The following SCUBE1 variants were observed in gnomAD, a reference collection of about 807,000 sequenced individuals.
The protein encoded by SCUBE1 is signal peptide, CUB and EGF-like domain-containing protein 1.
In SCUBE1, 59 loss-of-function variants were observed where a neutral mutation model predicts 124.4. That is an observed-to-expected ratio of 0.47 (90% CI 0.38 to 0.59). The LOEUF (loss-of-function observed/expected upper bound fraction) is 0.59, where lower values mean the gene tolerates loss of function less well. Among genes scored for constraint, SCUBE1 ranks in the 20% least tolerant of loss-of-function variants. SCUBE1 has a pLI of 0.00. For synonymous variants in SCUBE1, 545 were observed against 550.9 expected (o/e 0.99, Z 0.15); for missense variants, 1,150 against 1,371.2 (o/e 0.84, Z 2.55).
intron 6 of SCUBE1, among the ~76,000 whole-genome samples, chr22:43,241,936 C>T (rs532673733): frequency 6.6e-6 from 1 of 152,374 alleles, no homozygotes; most frequent in South Asian, 2.1e-4. Context: ...CCCGCCCTCA[C>T]CTCTTCCCGC....
At chr22:43,250,207 T>C (rs1923385451) in intron 6 of SCUBE1, among the ~76,000 whole-genome samples, 1 of 152,224 alleles carries the variant, frequency 6.6e-6, no homozygotes, top group African/African-American at 2.4e-5. Flanking sequence ...TGACCGAAGC[T>C]TTTCCCTCTC....
At chr22:43,293,909 C>T (rs1925464754) in intron 3 of SCUBE1, among the ~76,000 whole-genome samples, 1 of 152,262 alleles carries the variant, frequency 6.6e-6, no homozygotes, top group Non-Finnish European at 1.5e-5. Flanking sequence ...CTGCAGCCAT[C>T]TGGCCTGGCC....
chr22:43,280,452 T>G (rs1227632071), intron 4 of SCUBE1, among the ~76,000 whole-genome samples: 1 of 65,220 alleles, frequency 1.5e-5, no homozygotes, highest in Non-Finnish European at 2.7e-5. Context: ...CCCCTGTCCC[T>G]TCCCCTCACC....
chr22:43,305,708 C>T (rs1163268910), intron 3 of SCUBE1, among the ~76,000 whole-genome samples: 1 of 152,162 alleles, frequency 6.6e-6, no homozygotes, highest in African/African-American at 2.4e-5. Flanking sequence ...AGGGCCTCCA[C>T]CACGGGTGGG....
intron 3 of SCUBE1, among the ~76,000 whole-genome samples, chr22:43,301,670 A>T (rs1925777200): frequency 6.6e-6 from 1 of 151,628 alleles, no homozygotes. Context: ...GCCCCCACCC[A>T]CCTGGAATCT....
intron 5 of SCUBE1, among the ~76,000 whole-genome samples, chr22:43,261,469 C>A (rs933882614): frequency 1.3e-5 from 2 of 152,154 alleles, no homozygotes; most frequent in African/African-American, 4.8e-5. Context: ...ACACGTGGGT[C>A]CCCAGGGCCT....
intron 4 of SCUBE1, among the ~76,000 whole-genome samples, chr22:43,267,699 G>C (rs911698753): frequency 1.3e-4 from 20 of 152,306 alleles, no homozygotes; most frequent in African/African-American, 3.8e-4. Context: ...GCAGGGATAA[G>C]GCACTGGCCC....
intron 6 of SCUBE1, among the ~76,000 whole-genome samples, chr22:43,254,885 A>G (rs938617236): frequency 6.6e-6 from 1 of 152,208 alleles, no homozygotes; most frequent in African/African-American, 2.4e-5. Flanking sequence ...TTCTCCTCAC[A>G]TCGGTGCCTG....
In SCUBE1 at chr22:43,255,185, C is replaced by T. The variant is rs966020337; in HGVS notation, c.727+3034G>A. Among the ~76,000 whole-genome samples, 1 of 152,198 alleles carries T rather than the reference C, an allele frequency of 6.6e-6. No homozygotes were observed. The highest frequency in any genetic ancestry group is 6.5e-5 in the Admixed American group (1 of 15,282). ...ACACGCACAGGCCAGTGGATACTAG[C>T]CCTGGGTTCTTTGCTACAAACACAC... is the stretch of plus-strand genomic sequence containing the variant. On this transcript the variant is annotated intron_variant, in intron 6 of 21. Coordinates refer to ENST00000360835, the MANE Select transcript of SCUBE1 (RefSeq NM_173050.5). The surrounding 1 kb of genome is among the most constrained non-coding windows in gnomAD (Gnocchi z 4.7).
At chr22:43,207,780 C>T (rs980824175) in intron 20 of SCUBE1, among the ~76,000 whole-genome samples, 167 bp from the exon 21 acceptor site, 4 of 152,218 alleles carry the variant, frequency 2.6e-5, no homozygotes, top group African/African-American at 9.6e-5. Flanking sequence ...CTCCCTGCAC[C>T]TGTATTGTCC....
At chr22:43,214,043 C>CGGGGGGGGGGGGG in intron 16 of SCUBE1, 47 bp downstream of exon 16, 1 of 455,668 alleles carries the variant, frequency 2.2e-6, no homozygotes, top group Non-Finnish European at 3.8e-6. Context: ...CAGGAGGAGC[C>CGGGGGGGGGGGGG]CCCGCCCACC....
Position 43,214,248 on chromosome 22 carries a change from G to C in SCUBE1, c.1895C>G (p.Ala632Gly), listed in dbSNP as rs1921710493. The change falls in exon 16 of 22, where the codon GCC becomes GGC. Residue 632 changes from alanine (A) to glycine (G), a missense_variant. Around this residue, in one of 3 missense-constraint regions of SCUBE1, gnomAD observed 757 missense variants for 840.9 expected, o/e 0.90. Transcript: ENST00000360835. ...GQVLQDSKCV[A>G]CGPGTHFGGE... is the part of the protein sequence containing the mutation. Reference sequence around the variant, plus strand: ...ACCGAAGTGGGTGCCAGGCCCACAGGCAACTGCAGAGGCAAAGCGGAGAGG... The same window carrying C: ...ACCGAAGTGGGTGCCAGGCCCACAGCCAACTGCAGAGGCAAAGCGGAGAGG... The C allele has an allele frequency of 6.2e-7, 1 of 1,611,510 alleles. No individual in the cohort carries two copies. The highest frequency in any genetic ancestry group is 1.3e-5 in the African/African-American group (1 of 74,932).
intron 6 of SCUBE1, among the ~76,000 whole-genome samples, chr22:43,257,586 G>A (rs1923708056): frequency 6.6e-6 from 1 of 152,190 alleles, no homozygotes; most frequent in East Asian, 1.9e-4. Flanking sequence ...GGCAGCGGCG[G>A]GAAGAGCGGA....
chr22:43,244,743 C>A (rs570007097), intron 6 of SCUBE1, among the ~76,000 whole-genome samples: 1 of 152,236 alleles, frequency 6.6e-6, no homozygotes, highest in Non-Finnish European at 1.5e-5. Flanking sequence ...GCCTGAACAT[C>A]GCTGAGGTGC....
chr22:43,288,777 G>A (rs1001622520), intron 4 of SCUBE1, among the ~76,000 whole-genome samples: 3 of 152,282 alleles, frequency 2.0e-5, no homozygotes, highest in East Asian at 3.9e-4. Flanking sequence ...CTTCCTCAGC[G>A]TCACAACCCA....
Position 43,222,836 on chromosome 22 carries a change from G to A in SCUBE1, c.1328-94C>T, listed in dbSNP as rs1569499914. ...CCTCAGAGGGATTGTGGAGTGAGAC[G>A]AAGATCAGGACAGATTCTTCTGCCA... On this transcript the variant is annotated intron_variant, in intron 11 of 21. Coordinates refer to ENST00000360835, the MANE Select transcript of SCUBE1 (RefSeq NM_173050.5). The A allele has an allele frequency of 6.5e-6, 7 of 1,084,508 alleles. No homozygotes were observed. In the East Asian group the frequency reaches 7.8e-5, roughly 12 times the overall value. The allele number at this position is 1,084,508 out of a possible 1,614,324, so 67.2% of individuals were successfully genotyped here. A position where few individuals can be genotyped will look rare whatever the true frequency, so the allele number is the denominator to read the frequency against.
intron 3 of SCUBE1, among the ~76,000 whole-genome samples, chr22:43,292,901 T>A (rs759991000): frequency 1.3e-5 from 2 of 152,240 alleles, no homozygotes; most frequent in African/African-American, 2.4e-5. Context: ...AAGCCGCCAG[T>A]GGTTACAGCT....
chr22:43,246,165 G>A (rs914460392), intron 6 of SCUBE1, among the ~76,000 whole-genome samples: 2 of 152,162 alleles, frequency 1.3e-5, no homozygotes, highest in East Asian at 1.9e-4. Context: ...CAGGTGGCAG[G>A]AGCAGGGCCT....
At chr22:43,217,474 G>A (rs1921882530) in intron 15 of SCUBE1, among the ~76,000 whole-genome samples, 1 of 152,066 alleles carries the variant, frequency 6.6e-6, no homozygotes, top group East Asian at 1.9e-4. Context: ...CTCCCTAGGA[G>A]CCCCCTCCAT....
Sources: allele counts gnomAD v4.1 joint callset (sites outside exome capture counted in the v4.1 genomes callset), GRCh38; gene constraint gnomAD v4.1.1; regional missense constraint gnomAD v4.1.1; non-coding constraint Gnocchi (gnomAD v3.1); transcripts MANE v1.5; gene names NCBI Gene and HGNC (gene_info 2026-07-23, HGNC 2026-07-21).